FAM174A: variants seen among roughly 807,000 people sequenced by gnomAD.
FAM174A encodes the protein family with sequence similarity 174 member A.
A neutral mutation model predicts 14.3 loss-of-function variants in FAM174A; 14 were observed. The observed-to-expected ratio is 0.98, with a 90% CI of 0.65 to 1.53. The LOEUF (loss-of-function observed/expected upper bound fraction) is 1.53, where lower values mean the gene tolerates loss of function less well. Ranked by LOEUF, FAM174A falls within the 40% of genes most tolerant of loss-of-function variation. FAM174A has a pLI of 0.00. For synonymous variants in FAM174A, 108 were observed against 111.4 expected (o/e 0.97, Z 0.19); for missense variants, 241 against 249.6 (o/e 0.97, Z 0.23).
chr5:100,565,414 T>C (rs1199875301), intron 2 of FAM174A, among the ~76,000 whole-genome samples: 1 of 151,810 alleles, frequency 6.6e-6, no homozygotes, highest in South Asian at 2.1e-4. Flanking sequence ...TTATAAACCA[T>C]ATATGTATAT....
chr5:100,561,527 A>G (rs966830801), intron 1 of FAM174A, among the ~76,000 whole-genome samples: 2 of 151,930 alleles, frequency 1.3e-5, no homozygotes, highest in Admixed American at 6.6e-5. Context: ...TTTTTGCTGT[A>G]CATTTTGATT....
chr5:100,558,839 G>T (rs548092479), intron 1 of FAM174A, among the ~76,000 whole-genome samples: 1 of 152,094 alleles, frequency 6.6e-6, no homozygotes, highest in Non-Finnish European at 1.5e-5. Flanking sequence ...TTCTCTGCAT[G>T]TGAGATGGGT....
intron 1 of FAM174A, among the ~76,000 whole-genome samples, chr5:100,554,581 A>G (rs969711674): frequency 5.9e-5 from 9 of 152,200 alleles, no homozygotes; most frequent in African/African-American, 1.9e-4. Flanking sequence ...AAGTGTTGGG[A>G]TTACAGGTGT....
At chr5:100,553,297 G>A (rs927996810) in intron 1 of FAM174A, among the ~76,000 whole-genome samples, 2 of 152,084 alleles carry the variant, frequency 1.3e-5, no homozygotes, top group African/African-American at 4.8e-5. Flanking sequence ...TTTATTTGAT[G>A]CTTAATGTTT....
At chr5:100,553,404 A>G (rs1437305739) in intron 1 of FAM174A, among the ~76,000 whole-genome samples, 1 of 152,122 alleles carries the variant, frequency 6.6e-6, no homozygotes. Flanking sequence ...CCCATATAGT[A>G]ATACAGCATG....
At chr5:100,540,397 T>C (rs1018337944) in intron 1 of FAM174A, among the ~76,000 whole-genome samples, 4 of 152,190 alleles carry the variant, frequency 2.6e-5, no homozygotes, top group Admixed American at 6.5e-5. Context: ...CCTGCATTCA[T>C]GGAACTTCCA....
Position 100,535,647 on chromosome 5 carries a change from C to T in FAM174A, c.117C>T (p.Ala39=), listed in dbSNP as rs746842056. The T allele has an allele frequency of 6.2e-7, 1 of 1,612,828 alleles. No individual in the cohort carries two copies. Among genetic ancestry groups the T allele is most frequent in the Admixed American group, 1.7e-5 (1 of 60,024 alleles). Residue 39 remains alanine, a synonymous_variant, in exon 1 of 3, where the codon GCC becomes GCT. Transcript: ENST00000312637. ...CAGTCCTGCTGCAGGCAGCCGAGGC[C>T]GCGCCAGGTCTTGGGCCTCCTGACC... is the stretch of plus-strand genomic sequence containing the variant. The part of the protein sequence containing the change: ...PLAVLLQAAE[A]APGLGPPDPR...
chr5:100,557,765 C>A (rs1400533296), intron 1 of FAM174A, among the ~76,000 whole-genome samples: 1 of 151,898 alleles, frequency 6.6e-6, no homozygotes, highest in Admixed American at 6.6e-5. Context: ...TTTGTATTGC[C>A]ATGGGATCGG....
At chr5:100,539,576 TGTG>T (rs1746010602) in intron 1 of FAM174A, among the ~76,000 whole-genome samples, 1 of 152,190 alleles carries the variant, frequency 6.6e-6, no homozygotes, top group Non-Finnish European at 1.5e-5. Context: ...GCATACTTTA[TGTG>T]CATTTTGAAA....
At chr5:100,582,837 C>G (rs2112407350) in intron 2 of FAM174A, among the ~76,000 whole-genome samples, 3 of 152,194 alleles carry the variant, frequency 2.0e-5, no homozygotes, top group Middle Eastern at 6.8e-3. Context: ...GAACAAATAA[C>G]TGTATTTATA....
chr5:100,543,898 T>C (rs1746114784), intron 1 of FAM174A, among the ~76,000 whole-genome samples: 1 of 152,244 alleles, frequency 6.6e-6, no homozygotes, highest in South Asian at 2.1e-4. Flanking sequence ...CTGGGAAATC[T>C]CTGTGATTCC....
chr5:100,558,027 G>A (rs1746432385), intron 1 of FAM174A, among the ~76,000 whole-genome samples: 1 of 152,114 alleles, frequency 6.6e-6, no homozygotes, highest in African/African-American at 2.4e-5. Flanking sequence ...TAATTGTGAT[G>A]TTAGCGTGTC....
intron 2 of FAM174A, among the ~76,000 whole-genome samples, chr5:100,569,733 G>A (rs116627637): frequency 0.015 from 2,293 of 151,900 alleles, 60 homozygotes; most frequent in African/African-American, 0.052. Context: ...TGTGCCCCAG[G>A]CACTCTACTA....
intron 1 of FAM174A, among the ~76,000 whole-genome samples, chr5:100,551,436 G>A (rs1046045867): frequency 6.6e-6 from 1 of 152,138 alleles, no homozygotes; most frequent in African/African-American, 2.4e-5. Flanking sequence ...CATGCCACTG[G>A]CCTGGTGAAG....
At chr5:100,580,720 T>C (rs1391523463) in intron 2 of FAM174A, among the ~76,000 whole-genome samples, 1 of 152,182 alleles carries the variant, frequency 6.6e-6, no homozygotes, top group Admixed American at 6.5e-5. Context: ...TTCAGTCCAA[T>C]CAAGTTGACA....
chr5:100,585,562 C>T (rs1159450677), intron 2 of FAM174A, among the ~76,000 whole-genome samples: 4 of 151,974 alleles, frequency 2.6e-5, no homozygotes, highest in East Asian at 1.9e-4. Flanking sequence ...TACAGGAGTG[C>T]GCCATCACAC....
intron 2 of FAM174A, among the ~76,000 whole-genome samples, chr5:100,571,459 T>G (rs1746777245): frequency 6.6e-6 from 1 of 151,290 alleles, no homozygotes; most frequent in Non-Finnish European, 1.5e-5. Flanking sequence ...CATAATACAC[T>G]GGACTTTAGA....
intron 1 of FAM174A, among the ~76,000 whole-genome samples, chr5:100,537,015 G>A (rs1026369359): frequency 6.6e-6 from 1 of 152,150 alleles, no homozygotes; most frequent in Non-Finnish European, 1.5e-5. Context: ...GGCTTATAGG[G>A]TACAAGTAGT....
intron 2 of FAM174A, among the ~76,000 whole-genome samples, chr5:100,569,308 G>T (rs1030523547): frequency 6.6e-6 from 1 of 151,410 alleles, no homozygotes; most frequent in African/African-American, 2.4e-5. Context: ...GTAATATGTA[G>T]CTATAAGTCA....
Sources: gnomAD v4.1 joint callset for allele counts (sites outside exome capture counted in the v4.1 genomes callset) on GRCh38, gnomAD v4.1.1 for gene constraint, MANE v1.5 for transcripts, NCBI Gene and HGNC (gene_info 2026-07-23, HGNC 2026-07-21) for gene names.